The following CHD3 variants were observed in gnomAD, a reference collection of about 807,000 sequenced individuals.
CHD3 encodes the protein ATP-dependent chromatin remodeler CHD3.
In CHD3, 52 loss-of-function variants were observed where a neutral mutation model predicts 248.9. That is an observed-to-expected ratio of 0.21 (90% CI 0.17 to 0.26). CHD3 has a LOEUF of 0.26. CHD3 is among the 10% of genes least tolerant of loss of function. CHD3 has a pLI of 1.00. For missense variants in CHD3, 1,482 were observed against 2,605.8 expected (o/e 0.57, Z 9.39); for synonymous variants, 985 against 985.2 (o/e 1.00, Z 0.00).
In CHD3 at chr17:7,889,505, A is replaced by C. The variant is rs1968511313; in HGVS notation, c.101-159A>C. ...GAACCAGAGCATCCCAGAGTACTCG[A>C]AACACTTTCTGTTTGCATCCAGTGA... On this transcript the variant is annotated intron_variant, in intron 1 of 39. Coordinates refer to ENST00000330494, the MANE Select transcript of CHD3 (RefSeq NM_001005273.3). This position sits in a 1 kb window ranked among gnomAD's most constrained non-coding sequence, Gnocchi z 4.5. 6.6e-6 allele frequency among the ~76,000 whole-genome samples: 1 copy of C among 152,230 alleles called. No homozygotes were observed. Among genetic ancestry groups the C allele is most frequent in the Non-Finnish European group, 1.5e-5 (1 of 68,034 alleles).
In CHD3 at chr17:7,910,739, A is replaced by G. The variant is rs1971548861; in HGVS notation, c.5755-108A>G. ...CTTGAGTGAGTCTCCCTGCCTGTGTATCCTACCCTTAGCAGTTGTGGAGTG... is the reference window on the plus strand; with the variant it reads ...CTTGAGTGAGTCTCCCTGCCTGTGTGTCCTACCCTTAGCAGTTGTGGAGTG... On this transcript the variant is annotated intron_variant, in intron 38 of 39. Transcript: ENST00000330494. The surrounding 1 kb of genome is among the most constrained non-coding windows in gnomAD (Gnocchi z 4.7). The G allele has an allele frequency of 1.3e-5, 20 of 1,516,056 alleles. No homozygotes were observed. The highest frequency in any genetic ancestry group is 1.8e-5 in the Non-Finnish European group (20 of 1,125,560). 93.9% of individuals were successfully genotyped at this position (1,516,056 alleles called of 1,614,324 possible). A position where few individuals can be genotyped will look rare whatever the true frequency, so the allele number is the denominator to read the frequency against.
chr17:7,908,029 ACT>A lies in CHD3; in HGVS notation c.5152+14_5152+15del. On this transcript the variant is annotated intron_variant, in intron 34 of 39. Coordinates refer to ENST00000330494, the MANE Select transcript of CHD3 (RefSeq NM_001005273.3). The surrounding 1 kb of genome is among the most constrained non-coding windows in gnomAD (Gnocchi z 5.8). ...GATGGTGGCTTCACAGGTTGGGGAG[ACT>A]CTCGCTGCTTTCTGCTCCTCAAGGG... 3 of 1,586,412 alleles carry A rather than the reference ACT, an allele frequency of 1.9e-6. No individual in the cohort carries two copies. Among genetic ancestry groups the A allele is most frequent in the South Asian group, 2.2e-5 (2 of 88,970 alleles).
At chr17:7,886,252 C>G (rs1173803845), upstream of CHD3, among the ~76,000 whole-genome samples, 1 of 152,264 alleles carries the variant, frequency 6.6e-6, no homozygotes, top group Non-Finnish European at 1.5e-5. The surrounding 1 kb of genome is among the most constrained non-coding windows in gnomAD (Gnocchi z 4.2). Flanking sequence ...CTCTCCAGAC[C>G]GCTGCGCCGC....
Position 7,894,694 on chromosome 17 carries a change from C to T in CHD3, c.1269+86C>T. 2.8e-6 allele frequency: 4 copies of T among 1,444,436 alleles called. 1 individual carries two copies. The South Asian group carries it at 5.2e-5, about 19-fold the overall frequency. The allele number at this position is 1,444,436 out of a possible 1,614,324, so 89.5% of individuals were successfully genotyped here. On this transcript the variant is annotated intron_variant, in intron 8 of 39. Coordinates refer to ENST00000330494, the MANE Select transcript of CHD3 (RefSeq NM_001005273.3). ...GGTTTCACTTACCCTCTTCCTGCCC[C>T]CAGATGGCTGGACTTCTTAGTAACA...
chr17:7,890,513 G>A, intron 2 of CHD3, 58 bp from the exon 3 acceptor site: 5 of 1,245,052 alleles, frequency 4.0e-6, no homozygotes, highest in Non-Finnish European at 5.5e-6. Context: ...TATGTGCTGA[G>A]AACAGTTTCT....
chr17:7,897,840 C>G lies in CHD3; in HGVS notation c.1920-131C>G. The G allele has an allele frequency of 1.1e-6, 1 of 938,026 alleles. No homozygotes were observed. Among genetic ancestry groups the G allele is most frequent in the Non-Finnish European group, 1.6e-6 (1 of 620,078 alleles). 58.1% of individuals were successfully genotyped at this position (938,026 alleles called of 1,614,324 possible). ...TCAACTATTCCAATCTCCCTTCCAG[C>G]AGCTCACTGTTGACGGTTGGGTGAC... On this transcript the variant is annotated intron_variant, in intron 11 of 39. Transcript: ENST00000330494. This position sits in a 1 kb window ranked among gnomAD's most constrained non-coding sequence, Gnocchi z 4.8.
At position 7,895,635 on chromosome 17, in the gene CHD3, C is replaced by G; in HGVS notation, c.1707+93C>G. 2 of 1,148,990 alleles carry G rather than the reference C, an allele frequency of 1.7e-6. No individual in the cohort carries two copies. Among genetic ancestry groups the G allele is most frequent in the Non-Finnish European group, 1.3e-6 (1 of 787,834 alleles). 71.2% of individuals were successfully genotyped at this position (1,148,990 alleles called of 1,614,324 possible). On this transcript the variant is annotated intron_variant, in intron 10 of 39. Transcript: ENST00000330494. The surrounding 1 kb of genome is among the most constrained non-coding windows in gnomAD (Gnocchi z 4.9). Reference sequence around the variant, plus strand: ...CCTCTGTTTGTTGGGTTCCCATACTCTTTGTTTTCTCTCATTTCAGGCCTG... The same window carrying G: ...CCTCTGTTTGTTGGGTTCCCATACTGTTTGTTTTCTCTCATTTCAGGCCTG...
chr17:7,887,642 G>C (rs1968172290), upstream of CHD3, among the ~76,000 whole-genome samples: 1 of 151,928 alleles, frequency 6.6e-6, no homozygotes. Flanking sequence ...ATGTGTGAGA[G>C]ATTGATGGTG....
At position 7,906,513 on chromosome 17, in the gene CHD3, G is replaced by T; in HGVS notation, c.4359-40G>T. ...TCCCTCACTGCCCTATACCCCTTCT[G>T]TGGCTCCCCTAACCCTCCTCCCACT... On this transcript the variant is annotated intron_variant, in intron 28 of 39. Coordinates refer to ENST00000330494, the MANE Select transcript of CHD3 (RefSeq NM_001005273.3). The surrounding 1 kb of genome is among the most constrained non-coding windows in gnomAD (Gnocchi z 5.0). 1 of 1,611,020 alleles carries T rather than the reference G, an allele frequency of 6.2e-7. No individual in the cohort carries two copies. The highest frequency in any genetic ancestry group is 8.5e-7 in the Non-Finnish European group (1 of 1,178,746).
chr17:7,911,224 C>T lies in CHD3; in HGVS notation c.5882-240C>T, dbSNP rs1354341046. On this transcript the variant is annotated intron_variant, in intron 39 of 39. Transcript: ENST00000330494. The surrounding 1 kb of genome is among the most constrained non-coding windows in gnomAD (Gnocchi z 5.4). Reference sequence around the variant, plus strand: ...GTCTTCTACCCGAGCCACCTCCCTCCGGGTTCCTTCAAGGGAAAGTGAATA... The same window carrying T: ...GTCTTCTACCCGAGCCACCTCCCTCTGGGTTCCTTCAAGGGAAAGTGAATA... 1.3e-5 allele frequency among the ~76,000 whole-genome samples: 2 copies of T among 152,194 alleles called. No homozygotes were observed. Among genetic ancestry groups the T allele is most frequent in the Non-Finnish European group, 2.9e-5 (2 of 68,034 alleles).
chr17:7,910,043 A>C lies in CHD3; in HGVS notation c.5591-385A>C. ...TTACCACCTCCCATGCCTCCTGACT[A>C]TTTCCTCCCCATCATCCCCAACCCC... On this transcript the variant is annotated intron_variant, in intron 37 of 39. Coordinates refer to ENST00000330494, the MANE Select transcript of CHD3 (RefSeq NM_001005273.3). This position sits in a 1 kb window ranked among gnomAD's most constrained non-coding sequence, Gnocchi z 4.7. The C allele has an allele frequency of 6.4e-6, 2 of 312,290 alleles. No individual in the cohort carries two copies. The highest frequency in any genetic ancestry group is 6.1e-6 in the Non-Finnish European group (1 of 163,474). 19.3% of individuals were successfully genotyped at this position (312,290 alleles called of 1,614,324 possible). A position where few individuals can be genotyped will look rare whatever the true frequency, so the allele number is the denominator to read the frequency against.
upstream of CHD3, chr17:7,885,042 C>CGCCGCCACCGCT (rs1325615556): frequency 9.1e-7 from 1 of 1,094,990 alleles, no homozygotes; most frequent in East Asian, 5.3e-5. Flanking sequence ...CCGCCGCCGC[C>CGCCGCCACCGCT]GCCGCCACCG....
chr17:7,894,726 C>T (rs1023000991), intron 8 of CHD3, 118 bp downstream of exon 8: 14 of 1,342,374 alleles, frequency 1.0e-5, no homozygotes, highest in African/African-American at 8.8e-5. Flanking sequence ...AACAGATGTC[C>T]GAGTGTCTAG....
Position 7,889,233 on chromosome 17 carries a change from C to T in CHD3, c.100+133C>T. On this transcript the variant is annotated intron_variant, in intron 1 of 39. Transcript: ENST00000330494. The surrounding 1 kb of genome is among the most constrained non-coding windows in gnomAD (Gnocchi z 4.5). ...CCCAGCATCTGGCTTAGGGAGCTGC[C>T]AGCTTGTGTCTCCCCACTCCAAGTG... The T allele has an allele frequency of 2.7e-6, 3 of 1,101,260 alleles. No homozygotes were observed. The highest frequency in any genetic ancestry group is 2.9e-4 in the Middle Eastern group (1 of 3,462). The allele number at this position is 1,101,260 out of a possible 1,614,324, so 68.2% of individuals were successfully genotyped here.
upstream of CHD3, among the ~76,000 whole-genome samples, chr17:7,885,413 G>GGGA (rs1007047520): frequency 6.7e-6 from 1 of 149,534 alleles, no homozygotes; most frequent in Non-Finnish European, 1.5e-5. Flanking sequence ...CGGCTTTCGG[G>GGGA]GGAGGAGGAG....
At position 7,907,638 on chromosome 17, in the gene CHD3, G is replaced by A. The variant is rs1387442766; in HGVS notation, c.4962G>A (p.Lys1654=). The part of the protein sequence containing the change: ...ESTPGERGEE[K]PLDGQEHRER... ...CGCCAGGAGAAAGGGGGGAGGAGAA[G>A]CCGTTGGATGGACAGGAACACAGGG... The change falls in exon 33 of 40, where the codon AAG becomes AAA. Residue 1654 remains lysine, a synonymous_variant. Coordinates refer to ENST00000330494, the MANE Select transcript of CHD3 (RefSeq NM_001005273.3). This position sits in a 1 kb window ranked among gnomAD's most constrained non-coding sequence, Gnocchi z 4.3. 6.6e-7 allele frequency: 1 copy of A among 1,526,618 alleles called. No homozygotes were observed. Among genetic ancestry groups the A allele is most frequent in the South Asian group, 1.3e-5 (1 of 78,524 alleles). The allele number at this position is 1,526,618 out of a possible 1,614,324, so 94.6% of individuals were successfully genotyped here.
chr17:7,892,874 C>T (rs1254559514), intron 4 of CHD3, among the ~76,000 whole-genome samples: 4 of 152,108 alleles, frequency 2.6e-5, no homozygotes, highest in Admixed American at 2.0e-4. Context: ...CTCACTATAT[C>T]CTCCAACTCC....
At chr17:7,885,060 C>G, upstream of CHD3, 1 of 965,900 alleles carries the variant, frequency 1.0e-6, no homozygotes, top group Non-Finnish European at 1.2e-6. Flanking sequence ...CCGCTGCCCC[C>G]GCCGCCGCCG....
upstream of CHD3, among the ~76,000 whole-genome samples, chr17:7,885,411 G>C (rs1276701026): frequency 6.7e-6 from 1 of 150,030 alleles, no homozygotes; most frequent in Non-Finnish European, 1.5e-5. Context: ...CGCGGCTTTC[G>C]GGGGAGGAGG....
Sources: allele counts gnomAD v4.1 joint callset (sites outside exome capture counted in the v4.1 genomes callset), GRCh38; gene constraint gnomAD v4.1.1; non-coding constraint Gnocchi (gnomAD v3.1); transcripts MANE v1.5; gene names NCBI Gene and HGNC (gene_info 2026-07-23, HGNC 2026-07-21).